SLC43A1: variants seen among roughly 807,000 people sequenced by gnomAD.
SLC43A1 encodes solute carrier family 43 member 1.
Under a neutral mutation model 59.5 loss-of-function variants are expected in SLC43A1, and 31 were observed. The ratio of observed to expected loss-of-function variants is 0.52; its 90% CI spans 0.39 to 0.70. The LOEUF (loss-of-function observed/expected upper bound fraction) is 0.70. Ranked by LOEUF, SLC43A1 falls within the 30% of genes least tolerant of loss-of-function variation. The pLI is 0.00. For missense variants in SLC43A1, 598 were observed against 717.8 expected (o/e 0.83, Z 1.91); for synonymous variants, 259 against 290.9 (o/e 0.89, Z 1.12).
intron 2 of SLC43A1, among the ~76,000 whole-genome samples, chr11:57,512,513 C>G (rs1015879849): frequency 6.7e-6 from 1 of 150,096 alleles, no homozygotes; most frequent in Admixed American, 6.6e-5. Context: ...CAATGCACTC[C>G]AGCCTGGGTG....
At chr11:57,504,975 G>C (rs150437518) in intron 2 of SLC43A1, among the ~76,000 whole-genome samples, 2 of 152,286 alleles carry the variant, frequency 1.3e-5, no homozygotes, top group Admixed American at 6.5e-5. Context: ...AGACCTCTTA[G>C]AGCTGTGTCC....
At chr11:57,512,740 C>G (rs1286277078) in intron 2 of SLC43A1, among the ~76,000 whole-genome samples, 3 of 151,968 alleles carry the variant, frequency 2.0e-5, no homozygotes, top group Non-Finnish European at 2.9e-5. Flanking sequence ...CCCAGCCATC[C>G]CAGCCTGGCT....
intron 5 of SLC43A1, chr11:57,499,705 G>A (rs939215247): frequency 1.3e-5 from 2 of 152,422 alleles, no homozygotes; most frequent in African/African-American, 4.8e-5. Flanking sequence ...CGGCCAGAGG[G>A]AGCGGGGAGA....
Position 57,484,937 on chromosome 11 carries a change from C to T in SLC43A1, c.*159G>A. On this transcript the variant is annotated 3_prime_UTR_variant, in exon 15 of 15. Transcript: ENST00000278426. ...GCGTTTTTGAAGGTTTTTTTTCCTC[C>T]TTTTTGCAGTCTTTACAAAAATAGA... 1 of 913,992 alleles carries T rather than the reference C, an allele frequency of 1.1e-6. No individual in the cohort carries two copies. The allele number at this position is 913,992 out of a possible 1,614,324, so 56.6% of individuals were successfully genotyped here.
chr11:57,514,898 G>C lies in SLC43A1; in HGVS notation c.-14+546C>G. On this transcript the variant is annotated intron_variant, in intron 1 of 14. Coordinates refer to ENST00000278426, the MANE Select transcript of SLC43A1 (RefSeq NM_003627.6). This position sits in a 1 kb window ranked among gnomAD's most constrained non-coding sequence, Gnocchi z 5.5. Reference sequence around the variant, plus strand: ...GGCGGCTGCTGACTTTATAAGGGCAGCGGTGGCGGATGGGCTGGCGGGCGG... The same window carrying C: ...GGCGGCTGCTGACTTTATAAGGGCACCGGTGGCGGATGGGCTGGCGGGCGG... 1 of 983,716 alleles carries C rather than the reference G, an allele frequency of 1.0e-6. No individual in the cohort carries two copies. Among genetic ancestry groups the C allele is most frequent in the Non-Finnish European group, 1.2e-6 (1 of 828,440 alleles). The allele number at this position is 983,716 out of a possible 1,614,324, so 60.9% of individuals were successfully genotyped here.
intron 5 of SLC43A1, 107 bp downstream of exon 5, chr11:57,500,672 G>C: frequency 1.1e-6 from 1 of 933,828 alleles, no homozygotes; most frequent in Non-Finnish European, 1.7e-6. Context: ...AGTGATCTGC[G>C]TCCACAGGCC....
chr11:57,505,655 T>C (rs1364968201), intron 2 of SLC43A1, among the ~76,000 whole-genome samples: 2 of 152,194 alleles, frequency 1.3e-5, no homozygotes, highest in South Asian at 2.1e-4. Context: ...TATTACACTT[T>C]AGAATGAAGC....
At chr11:57,498,734 GCCAGGGCAGACAGTCT>G (rs768290195) in intron 5 of SLC43A1, among the ~76,000 whole-genome samples, 3 of 152,224 alleles carry the variant, frequency 2.0e-5, no homozygotes, top group Non-Finnish European at 4.4e-5. Flanking sequence ...AGGGAACTGA[GCCAGGGCAGACAGTCT>G]CCAGAGGAGG....
Position 57,485,091 on chromosome 11 carries a change from GA to G in SLC43A1, c.*4del. On this transcript the variant is annotated 3_prime_UTR_variant, in exon 15 of 15. Coordinates refer to ENST00000278426, the MANE Select transcript of SLC43A1 (RefSeq NM_003627.6). ...CTGTCATCCAGGTCCCTTGGTCTGA[GA>G]AGTCTATGCGGTCACCTCAGAGCCG... is the stretch of plus-strand genomic sequence containing the variant. 1 of 1,608,574 alleles carries G rather than the reference GA, an allele frequency of 6.2e-7. No homozygotes were observed. Among genetic ancestry groups the G allele is most frequent in the Admixed American group, 1.7e-5 (1 of 58,502 alleles).
chr11:57,512,830 AT>A (rs1275608340), intron 2 of SLC43A1, among the ~76,000 whole-genome samples: 2 of 151,972 alleles, frequency 1.3e-5, no homozygotes, highest in Admixed American at 1.3e-4. Flanking sequence ...TCTCGGTGCC[AT>A]CTGTTGCATC....
chr11:57,507,972 T>G (rs1230768745), intron 2 of SLC43A1, among the ~76,000 whole-genome samples: 1 of 152,100 alleles, frequency 6.6e-6, no homozygotes, highest in Non-Finnish European at 1.5e-5. Flanking sequence ...ATTGAGGTAT[T>G]AAGAAAATTA....
Position 57,500,842 on chromosome 11 carries a change from C to CA in SLC43A1, c.401dup (p.Leu134PhefsTer93). 1 of 1,614,218 alleles carries CA rather than the reference C, an allele frequency of 6.2e-7. No individual in the cohort carries two copies. The highest frequency in any genetic ancestry group is 8.5e-7 in the Non-Finnish European group (1 of 1,180,034). On this transcript the variant is annotated frameshift_variant, in exon 5 of 15. Transcript: ENST00000278426. LOFTEE classifies it high-confidence loss of function. ...CATTCAGGGACAGCGCCAGGAATATCAACGGAGACAGAGCTGGAAAGGGGA... is the reference window on the plus strand; with the variant it reads ...CATTCAGGGACAGCGCCAGGAATATCAAACGGAGACAGAGCTGGAAAGGGGA...
intron 2 of SLC43A1, among the ~76,000 whole-genome samples, chr11:57,511,488 C>A (rs899598247): frequency 3.3e-5 from 5 of 152,018 alleles, no homozygotes; most frequent in African/African-American, 1.2e-4. Flanking sequence ...GTGGCCCAGG[C>A]TGGAGTATAG....
chr11:57,492,484 A>AATAATATAATAT (rs1258157619), intron 8 of SLC43A1, among the ~76,000 whole-genome samples: 1 of 134,040 alleles, frequency 7.5e-6, no homozygotes, highest in Non-Finnish European at 1.5e-5. Flanking sequence ...ATATATAAAA[A>AATAATATAATAT]ATAATATAAT....
rs1554981297 is a variant in SLC43A1, at chr11:57,491,756, G to A, written c.978C>T (p.Asn326=). The change falls in exon 9 of 15, where the codon AAC becomes AAT. Residue 326 remains asparagine, a synonymous_variant. Coordinates refer to ENST00000278426, the MANE Select transcript of SLC43A1 (RefSeq NM_003627.6). ...CAGTCACAAGGTACTCCAGCATCTT[G>A]TTCACAGCAGCCATGTAGAAGATGA... ...LRIIFYMAAV[N]KMLEYLVTGG... 1.9e-6 allele frequency: 3 copies of A among 1,614,252 alleles called. No homozygotes were observed. Among genetic ancestry groups the A allele is most frequent in the South Asian group, 1.1e-5 (1 of 91,092 alleles).
intron 5 of SLC43A1, among the ~76,000 whole-genome samples, chr11:57,498,679 A>C (rs970549831): frequency 1.3e-5 from 2 of 152,096 alleles, no homozygotes; most frequent in African/African-American, 4.8e-5. Context: ...GTTTCTGCCT[A>C]ATCAGGACAA....
At chr11:57,492,126 T>C (rs538270263) in intron 8 of SLC43A1, among the ~76,000 whole-genome samples, 2 of 151,600 alleles carry the variant, frequency 1.3e-5, no homozygotes, top group African/African-American at 2.4e-5. Flanking sequence ...CCCAACACTT[T>C]GAAAGGCAGA....
chr11:57,484,902 G>A lies in SLC43A1; in HGVS notation c.*194C>T. On this transcript the variant is annotated 3_prime_UTR_variant, in exon 15 of 15. Transcript: ENST00000278426. Reference sequence around the variant, plus strand: ...GACTGTCTTCAGTCAATGGAGCGTTGACTTAGGGGGCGTTTTTGAAGGTTT... The same window carrying A: ...GACTGTCTTCAGTCAATGGAGCGTTAACTTAGGGGGCGTTTTTGAAGGTTT... 1.7e-6 allele frequency: 1 copy of A among 588,278 alleles called. No homozygotes were observed. The allele number at this position is 588,278 out of a possible 1,614,324, so 36.4% of individuals were successfully genotyped here.
rs1943832161 is a variant in SLC43A1 at position 57,489,279 on chromosome 11, G to A, written c.1307C>T (p.Thr436Ile). 6.2e-7 allele frequency: 1 copy of A among 1,614,176 alleles called. No individual in the cohort carries two copies. Among genetic ancestry groups the A allele is most frequent in the Non-Finnish European group, 8.5e-7 (1 of 1,180,048 alleles). Residue 436 changes from threonine (T) to isoleucine (I), a missense_variant, in exon 12 of 15, where the codon ACC (threonine) becomes ATC (isoleucine). Coordinates refer to ENST00000278426, the MANE Select transcript of SLC43A1 (RefSeq NM_003627.6). ...GAGGTGTAAGTTGTTGATGAGACAG[G>A]TGATGCCAAAACCCACAAGCAGCAG... Reference protein sequence around the residue: ...TNLLLVGFGITCLINNLHLQF... With the variant: ...TNLLLVGFGIICLINNLHLQF...
Sources: gnomAD v4.1 joint callset for allele counts (sites outside exome capture counted in the v4.1 genomes callset) on GRCh38, gnomAD v4.1.1 for gene constraint, Gnocchi (gnomAD v3.1) non-coding constraint, MANE v1.5 for transcripts, NCBI Gene and HGNC (gene_info 2026-07-23, HGNC 2026-07-21) for gene names.